BTBD16: variants seen among roughly 807,000 people sequenced by gnomAD.
The protein encoded by BTBD16 is BTB domain containing 16.
Under a neutral mutation model 67.4 loss-of-function variants are expected in BTBD16, and 66 were observed. That is an observed-to-expected ratio of 0.98 (90% CI 0.80 to 1.20). The LOEUF (loss-of-function observed/expected upper bound fraction) is 1.20, where lower values mean the gene tolerates loss of function less well. Ranked by LOEUF, BTBD16 falls within the 50% of genes most tolerant of loss-of-function variation. The pLI, the probability that BTBD16 is intolerant of heterozygous loss-of-function variation, is 0.00. For synonymous variants in BTBD16, 242 were observed against 236.4 expected (o/e 1.02, Z -0.22); for missense variants, 634 against 616.0 (o/e 1.03, Z -0.31).
At chr10:122,318,235 A>T (rs1438754377) in intron 10 of BTBD16, among the ~76,000 whole-genome samples, 3 of 152,168 alleles carry the variant, frequency 2.0e-5, no homozygotes, top group African/African-American at 7.2e-5. Flanking sequence ...TAAATAAATC[A>T]TGGAGTCTGT....
At chr10:122,287,881 A>G (rs1450781483) in intron 5 of BTBD16, among the ~76,000 whole-genome samples, 1 of 152,150 alleles carries the variant, frequency 6.6e-6, no homozygotes, top group Non-Finnish European at 1.5e-5. Flanking sequence ...CTAAAAACAA[A>G]CTAACCACCT....
intron 10 of BTBD16, among the ~76,000 whole-genome samples, chr10:122,321,370 CA>C (rs2096435111): frequency 6.6e-6 from 1 of 152,154 alleles, no homozygotes; most frequent in Non-Finnish European, 1.5e-5. Context: ...GGTATATACC[CA>C]GTGATGGGCT....
In BTBD16 at chr10:122,337,969, G is replaced by T. The variant is rs570143977; in HGVS notation, c.1453-48G>T. ...CTCTTTCCCCTTCTGGGGGGCAATT[G>T]TGTTCATCCTAAAAGTCACATTCAC... On this transcript the variant is annotated intron_variant, in intron 15 of 15. Transcript: ENST00000260723. 112 of 1,501,424 alleles carry T rather than the reference G, an allele frequency of 7.5e-5. 1 individual carries two copies. The South Asian group carries it at 1.2e-3, about 17-fold the overall frequency. 93.0% of individuals were successfully genotyped at this position (1,501,424 alleles called of 1,614,324 possible).
Position 122,334,994 on chromosome 10 carries a change from C to A in BTBD16, c.1263+15C>A. 1 of 1,251,818 alleles carries A rather than the reference C, an allele frequency of 8.0e-7. No individual in the cohort carries two copies. Among genetic ancestry groups the A allele is most frequent in the Non-Finnish European group, 1.1e-6 (1 of 876,016 alleles). The allele number at this position is 1,251,818 out of a possible 1,614,324, so 77.5% of individuals were successfully genotyped here. On this transcript the variant is annotated intron_variant, in intron 14 of 15. Coordinates refer to ENST00000260723, the MANE Select transcript of BTBD16 (RefSeq NM_144587.5). ...TTTACATGCAGGTAAGGATAGAGTGCATGAAAGTTATGTCTCTGAGACAGT... is the reference window on the plus strand; with the variant it reads ...TTTACATGCAGGTAAGGATAGAGTGAATGAAAGTTATGTCTCTGAGACAGT...
At position 122,331,226 on chromosome 10, in the gene BTBD16, C is replaced by G; in HGVS notation, c.1054C>G (p.Leu352Val). 1 of 1,613,974 alleles carries G rather than the reference C, an allele frequency of 6.2e-7. No individual in the cohort carries two copies. The highest frequency in any genetic ancestry group is 8.5e-7 in the Non-Finnish European group (1 of 1,179,956). The change falls in exon 12 of 16, where the codon CTC (leucine) becomes GTC (valine). Residue 352 changes from leucine (L) to valine (V), a missense_variant. Physicochemically the swap from Leu to Val is conservative, Grantham distance 32. Transcript: ENST00000260723. ...RHLNFFPESW[L>V]DQVTVNHYHA... ...CCTTAACTTCTTCCCAGAGTCATGG[C>G]TCGACCAGGTTACAGTCAACCATTA... is the stretch of plus-strand genomic sequence containing the variant.
rs1016895000 is a variant in BTBD16, at chr10:122,321,690, C to T, written c.912-7790C>T. 2.0e-5 allele frequency among the ~76,000 whole-genome samples: 3 copies of T among 152,150 alleles called. No individual in the cohort carries two copies. In the East Asian group the frequency reaches 5.8e-4, roughly 29 times the overall value. On this transcript the variant is annotated intron_variant, in intron 10 of 15. Coordinates refer to ENST00000260723, the MANE Select transcript of BTBD16 (RefSeq NM_144587.5). ...AGTATTTGCTCGTGTACTTTTTCTA[C>T]TTTTTAATGGAGTTGTTTTTTGCTT...
intron 10 of BTBD16, among the ~76,000 whole-genome samples, chr10:122,319,844 C>G (rs2096432532): frequency 6.6e-6 from 1 of 152,060 alleles, no homozygotes; most frequent in Non-Finnish European, 1.5e-5. Flanking sequence ...GTCTTCTGAT[C>G]CATGAATATG....
At chr10:122,274,912 TA>T (rs1285007601) in intron 1 of BTBD16, 127 bp from the exon 2 acceptor site, 2 of 633,272 alleles carry the variant, frequency 3.2e-6, no homozygotes, top group Non-Finnish European at 5.5e-6. Context: ...TCTTGATTGA[TA>T]AATAACCCAC....
intron 3 of BTBD16, among the ~76,000 whole-genome samples, chr10:122,277,754 T>C (rs1002655283): frequency 2.0e-5 from 3 of 152,166 alleles, no homozygotes; most frequent in Non-Finnish European, 4.4e-5. Flanking sequence ...TCATGAGGGA[T>C]CTGCCCTTAT....
intron 5 of BTBD16, 37 bp downstream of exon 5, chr10:122,286,285 T>C (rs1564963061): frequency 6.3e-7 from 1 of 1,578,230 alleles, no homozygotes. Context: ...GGAGCCCCAG[T>C]GCCCTCTAGC....
At chr10:122,326,268 G>A (rs759556399) in intron 10 of BTBD16, among the ~76,000 whole-genome samples, 7 of 151,910 alleles carry the variant, frequency 4.6e-5, no homozygotes, top group Non-Finnish European at 8.8e-5. Flanking sequence ...AAGTTTATTC[G>A]CATTGTTGTG....
At chr10:122,278,658 A>G (rs1347102989) in intron 3 of BTBD16, among the ~76,000 whole-genome samples, 1 of 152,094 alleles carries the variant, frequency 6.6e-6, no homozygotes, top group Non-Finnish European at 1.5e-5. Flanking sequence ...TTCCTCCAGG[A>G]CAACACCTTC....
At position 122,334,494 on chromosome 10, in the gene BTBD16, CTTTTTTTTTT is replaced by C. The variant is rs869262992; in HGVS notation, c.1165-366_1165-357del. ...ACAGGTGTGAGCCACCGTGCCCGGC[CTTTTTTTTTT>C]TTTTTTTTTTTTTTTTTTTTGAGAT... On this transcript the variant is annotated intron_variant, in intron 13 of 15. Coordinates refer to ENST00000260723, the MANE Select transcript of BTBD16 (RefSeq NM_144587.5). 3.7e-3 allele frequency among the ~76,000 whole-genome samples: 160 copies of C among 43,272 alleles called. 1 individual carries two copies. Among genetic ancestry groups the C allele is most frequent in the Admixed American group, 0.015 (38 of 2,504 alleles). 28.4% of individuals were successfully genotyped at this position (43,272 alleles called of 152,430 possible).
chr10:122,300,975 G>T (rs545917543), intron 9 of BTBD16, among the ~76,000 whole-genome samples: 2 of 152,300 alleles, frequency 1.3e-5, no homozygotes, highest in South Asian at 4.2e-4. Context: ...ACAGAGATGG[G>T]AGGCAGGTAG....
chr10:122,278,758 T>C lies in BTBD16; in HGVS notation c.167+1819T>C, dbSNP rs1590046848. 2.6e-5 allele frequency among the ~76,000 whole-genome samples: 4 copies of C among 152,334 alleles called. No homozygotes were observed. The South Asian group carries it at 8.3e-4, about 32-fold the overall frequency. On this transcript the variant is annotated intron_variant, in intron 3 of 15. Transcript: ENST00000260723. ...TCCTTTGTGATATTGGGAAGCTGCA[T>C]GTCCAGAGGCAGCAGATACTCTCAG...
rs554466316 is a variant in BTBD16 at position 122,293,518 on chromosome 10, G to C, written c.590+2324G>C. Reference sequence around the variant, plus strand: ...TCCAGTGTGTCAGCATGGTCAGACTGTGGGGTTAGGTGGCCGTGGTAGATG... The same window carrying C: ...TCCAGTGTGTCAGCATGGTCAGACTCTGGGGTTAGGTGGCCGTGGTAGATG... On this transcript the variant is annotated intron_variant, in intron 7 of 15. Transcript: ENST00000260723. Among the ~76,000 whole-genome samples the C allele has an allele frequency of 2.6e-5, 4 of 152,306 alleles. No individual in the cohort carries two copies. The South Asian group carries it at 8.3e-4, about 32-fold the overall frequency.
At chr10:122,308,388 T>A (rs1248739684) in intron 10 of BTBD16, among the ~76,000 whole-genome samples, 1 of 152,208 alleles carries the variant, frequency 6.6e-6, no homozygotes, top group African/African-American at 2.4e-5. Flanking sequence ...TCTTTTCGAA[T>A]CTACGTTGAT....
intron 3 of BTBD16, among the ~76,000 whole-genome samples, chr10:122,280,764 C>T (rs367733711): frequency 4.7e-4 from 71 of 152,186 alleles, no homozygotes; most frequent in African/African-American, 1.7e-3. Flanking sequence ...ACCAGTGCCA[C>T]TGTAAACTAC....
intron 10 of BTBD16, among the ~76,000 whole-genome samples, chr10:122,323,159 T>G (rs1042378990): frequency 1.3e-5 from 2 of 152,180 alleles, no homozygotes; most frequent in Admixed American, 1.3e-4. Flanking sequence ...AGGTACACAG[T>G]GTAAGAAGGA....
Sources: allele counts gnomAD v4.1 joint callset (sites outside exome capture counted in the v4.1 genomes callset), GRCh38; gene constraint gnomAD v4.1.1; transcripts MANE v1.5; gene names NCBI Gene and HGNC (gene_info 2026-07-23, HGNC 2026-07-21).